Variants in FGF12 observed in about 807,000 individuals in gnomAD.
The protein encoded by FGF12 is fibroblast growth factor 12B.
FGF12 carries 14 observed loss-of-function variants against 23.6 expected under a neutral mutation model. That is an observed-to-expected ratio of 0.59 (90% CI 0.39 to 0.93). The LOEUF (loss-of-function observed/expected upper bound fraction) is 0.93, where lower values mean the gene tolerates loss of function less well. Ranked by LOEUF, FGF12 falls within the 40% of genes least tolerant of loss-of-function variation. The pLI is 0.00. For synonymous variants in FGF12, 62 were observed against 77.3 expected (o/e 0.80, Z 1.04); for missense variants, 175 against 217.8 (o/e 0.80, Z 1.24).
intron 4 of FGF12, among the ~76,000 whole-genome samples, chr3:192,243,004 T>C (rs1719700548): frequency 6.6e-6 from 1 of 152,058 alleles, no homozygotes; most frequent in Non-Finnish European, 1.5e-5. Flanking sequence ...CTCTATTATA[T>C]AGAAGATCAT....
At chr3:192,644,790 T>C (rs555194556) in intron 2 of FGF12, among the ~76,000 whole-genome samples, 1 of 152,160 alleles carries the variant, frequency 6.6e-6, no homozygotes, top group African/African-American at 2.4e-5. Flanking sequence ...CAAGGGCTCA[T>C]GTCTAGTGTT....
intron 2 of FGF12, among the ~76,000 whole-genome samples, chr3:192,652,933 CT>C (rs1158551854): frequency 2.0e-5 from 3 of 152,154 alleles, no homozygotes; most frequent in Non-Finnish European, 2.9e-5. Flanking sequence ...TGAGTCATCA[CT>C]TTTTAGGGCT....
At chr3:192,212,719 C>T (rs970653322) in intron 4 of FGF12, among the ~76,000 whole-genome samples, 1 of 150,280 alleles carries the variant, frequency 6.7e-6, no homozygotes, top group Non-Finnish European at 1.5e-5. Context: ...TAATGTGCCT[C>T]ATTTTGTGGC....
intron 2 of FGF12, among the ~76,000 whole-genome samples, chr3:192,619,047 T>C (rs1489842254): frequency 6.6e-6 from 1 of 151,980 alleles, no homozygotes; most frequent in Non-Finnish European, 1.5e-5. Context: ...GGTAAATGTT[T>C]GCTAATTAAA....
intron 2 of FGF12, among the ~76,000 whole-genome samples, chr3:192,715,213 C>T (rs139447932): frequency 7.9e-4 from 120 of 152,302 alleles, no homozygotes; most frequent in Middle Eastern, 3.4e-3. Flanking sequence ...GAAATCATCA[C>T]CTACATTACA....
chr3:192,404,815 C>T (rs1036894338), intron 2 of FGF12, among the ~76,000 whole-genome samples: 10 of 152,190 alleles, frequency 6.6e-5, no homozygotes, highest in African/African-American at 2.2e-4. Context: ...TTCAATAATG[C>T]TATACGGTGG....
chr3:192,363,239 T>TA (rs149421896), intron 2 of FGF12, among the ~76,000 whole-genome samples: 143 of 145,640 alleles, frequency 9.8e-4, no homozygotes, highest in African/African-American at 2.7e-3. Context: ...AAAGTATAAT[T>TA]AAAAAAAAAA....
chr3:192,467,476 T>A (rs1009373966), intron 2 of FGF12, among the ~76,000 whole-genome samples: 1 of 148,986 alleles, frequency 6.7e-6, no homozygotes, highest in Non-Finnish European at 1.5e-5. Flanking sequence ...AGCCAGACTG[T>A]GCGCCGAACA....
intron 4 of FGF12, among the ~76,000 whole-genome samples, chr3:192,296,325 G>C (rs369298463): frequency 2.6e-5 from 4 of 151,518 alleles, no homozygotes; most frequent in Non-Finnish European, 5.9e-5. Flanking sequence ...CCAGGCTCAA[G>C]TGGTCCCCCC....
At chr3:192,627,887 T>C (rs1055095517) in intron 2 of FGF12, among the ~76,000 whole-genome samples, 8 of 152,034 alleles carry the variant, frequency 5.3e-5, no homozygotes, top group Admixed American at 4.6e-4. Context: ...TGTTTAGTTA[T>C]ATACAATTTT....
At chr3:192,669,602 T>TAAAAAAAAAAAAAAAAAAAAAAAA (rs59897483) in intron 2 of FGF12, among the ~76,000 whole-genome samples, 4 of 59,526 alleles carry the variant, frequency 6.7e-5, no homozygotes, top group Non-Finnish European at 9.4e-5. Context: ...GACTCTGTCT[T>TAAAAAAAAAAAAAAAAAAAAAAAA]AAAAAAAAAA....
intron 5 of FGF12, among the ~76,000 whole-genome samples, chr3:192,161,649 C>G (rs1050973255): frequency 6.6e-6 from 1 of 152,092 alleles, no homozygotes; most frequent in Non-Finnish European, 1.5e-5. Context: ...CTAGAAATGA[C>G]ATCTTTCTCG....
At chr3:192,412,464 T>C (rs573373218) in intron 2 of FGF12, among the ~76,000 whole-genome samples, 2 of 152,354 alleles carry the variant, frequency 1.3e-5, no homozygotes, top group Non-Finnish European at 2.9e-5. Context: ...GTCAGCTTTC[T>C]GGGAGCAACA....
At chr3:192,229,445 G>A (rs938761358) in intron 4 of FGF12, among the ~76,000 whole-genome samples, 3 of 151,976 alleles carry the variant, frequency 2.0e-5, no homozygotes, top group Non-Finnish European at 4.4e-5. Flanking sequence ...TCTGGCCCCT[G>A]TGTTTCTCTA....
chr3:192,262,299 A>C (rs995717517), intron 4 of FGF12, among the ~76,000 whole-genome samples: 4 of 152,164 alleles, frequency 2.6e-5, no homozygotes, highest in Non-Finnish European at 5.9e-5. Flanking sequence ...TCATTTTGTT[A>C]AATTTCTTGT....
At chr3:192,472,206 C>T (rs866131251) in intron 2 of FGF12, among the ~76,000 whole-genome samples, 2 of 151,986 alleles carry the variant, frequency 1.3e-5, no homozygotes, top group South Asian at 2.1e-4. Context: ...TTAGTAGAGA[C>T]GGGGTTTCAC....
intron 2 of FGF12, among the ~76,000 whole-genome samples, chr3:192,667,877 A>G (rs1716952789): frequency 6.6e-6 from 1 of 152,152 alleles, no homozygotes. Context: ...AAAGCCAAGG[A>G]GGGGTTTTAA....
chr3:192,164,912 CT>C (rs1715076621), intron 5 of FGF12, among the ~76,000 whole-genome samples: 3 of 152,004 alleles, frequency 2.0e-5, no homozygotes, highest in Admixed American at 1.3e-4. Context: ...TGCTTTATAC[CT>C]GCCCTATGGA....
At chr3:192,203,202 AG>A (rs1367871631) in intron 4 of FGF12, among the ~76,000 whole-genome samples, 1 of 151,964 alleles carries the variant, frequency 6.6e-6, no homozygotes, top group Non-Finnish European at 1.5e-5. Context: ...TGTAGTTTAG[AG>A]GACTGATAGA....
Sources: allele counts gnomAD v4.1 joint callset (sites outside exome capture counted in the v4.1 genomes callset), GRCh38; gene constraint gnomAD v4.1.1; transcripts MANE v1.5; gene names NCBI Gene and HGNC (gene_info 2026-07-23, HGNC 2026-07-21).